ROR1: variants seen among roughly 807,000 people sequenced by gnomAD.
The protein encoded by ROR1 is inactive tyrosine-protein kinase transmembrane receptor ROR1.
Under a neutral mutation model 78.8 loss-of-function variants are expected in ROR1, and 19 were observed. The observed-to-expected ratio is 0.24, with a 90% confidence interval of 0.17 to 0.35. The LOEUF (loss-of-function observed/expected upper bound fraction) is 0.35. Ranked by LOEUF, ROR1 falls within the 10% of genes least tolerant of loss-of-function variation. The pLI, the probability that ROR1 is intolerant of heterozygous loss-of-function variation, is 1.00. For synonymous variants in ROR1, 386 were observed against 433.6 expected (o/e 0.89, Z 1.36); for missense variants, 917 against 1,177.8 (o/e 0.78, Z 3.24).
At chr1:63,935,936 G>GA (rs533463274) in intron 1 of ROR1, among the ~76,000 whole-genome samples, 2 of 152,154 alleles carry the variant, frequency 1.3e-5, no homozygotes, top group South Asian at 2.1e-4. Flanking sequence ...ATGTAAAGGA[G>GA]AAAAAAAAGT....
intron 1 of ROR1, among the ~76,000 whole-genome samples, chr1:63,857,964 G>T (rs1431014949): frequency 6.6e-6 from 1 of 152,168 alleles, no homozygotes; most frequent in Non-Finnish European, 1.5e-5. Context: ...AATTTGTCAG[G>T]TTGCTATGAG....
chr1:63,916,278 C>G (rs948807347), intron 1 of ROR1, among the ~76,000 whole-genome samples: 1 of 152,166 alleles, frequency 6.6e-6, no homozygotes, highest in African/African-American at 2.4e-5. Flanking sequence ...AAAGAGCATT[C>G]ATCGGGCCAG....
intron 1 of ROR1, among the ~76,000 whole-genome samples, chr1:63,945,938 A>G (rs183702958): frequency 7.6e-4 from 116 of 152,364 alleles, no homozygotes; most frequent in Non-Finnish European, 2.6e-4. Context: ...CCCCCAGGCC[A>G]GATCATAGAG....
chr1:64,105,655 C>T (rs1165863774), intron 4 of ROR1: 1 of 152,136 alleles, frequency 6.6e-6, no homozygotes, highest in Non-Finnish European at 1.5e-5. Context: ...AAGGGTGATC[C>T]AGTTTCAGTT....
intron 1 of ROR1, among the ~76,000 whole-genome samples, chr1:63,978,635 G>C (rs1359318566): frequency 6.6e-6 from 1 of 152,158 alleles, no homozygotes; most frequent in Non-Finnish European, 1.5e-5. Context: ...CTATGATCCA[G>C]AAATTTCACT....
chr1:64,089,347 C>T (rs535769050), intron 4 of ROR1, among the ~76,000 whole-genome samples: 1 of 151,916 alleles, frequency 6.6e-6, no homozygotes, highest in Admixed American at 6.6e-5. Context: ...GTAGCTGGGA[C>T]TACAGGCACA....
chr1:63,896,907 G>A (rs17125774), intron 1 of ROR1, among the ~76,000 whole-genome samples: 2,214 of 152,146 alleles, frequency 0.015, 58 homozygotes, highest in African/African-American at 0.051. Context: ...GTTGAGCTTG[G>A]GTAAATCCCT....
intron 1 of ROR1, among the ~76,000 whole-genome samples, chr1:63,805,664 T>C (rs1445220435): frequency 1.3e-5 from 2 of 152,152 alleles, no homozygotes; most frequent in Non-Finnish European, 2.9e-5. Flanking sequence ...AAGAATAGAA[T>C]TACTGTGGTG....
At chr1:63,842,892 G>T (rs1645057512) in intron 1 of ROR1, among the ~76,000 whole-genome samples, 1 of 151,992 alleles carries the variant, frequency 6.6e-6, no homozygotes, top group African/African-American at 2.4e-5. Flanking sequence ...ATGTGGGGGT[G>T]TTGTTAAAAA....
chr1:63,906,568 A>G (rs1476889020), intron 1 of ROR1, among the ~76,000 whole-genome samples: 1 of 152,080 alleles, frequency 6.6e-6, no homozygotes, highest in Non-Finnish European at 1.5e-5. Flanking sequence ...GCTCTTTAGT[A>G]AGTGTCCAGA....
At chr1:63,932,870 G>A (rs1171485064) in intron 1 of ROR1, among the ~76,000 whole-genome samples, 1 of 152,106 alleles carries the variant, frequency 6.6e-6, no homozygotes, top group Non-Finnish European at 1.5e-5. Context: ...TTGAAGACTG[G>A]AACTGGGTGG....
chr1:64,053,812 A>G (rs932549504), intron 4 of ROR1, among the ~76,000 whole-genome samples: 2 of 152,192 alleles, frequency 1.3e-5, no homozygotes, highest in Admixed American at 6.5e-5. Context: ...ATAGATTGTT[A>G]TATATTAGTT....
intron 1 of ROR1, among the ~76,000 whole-genome samples, chr1:63,828,816 G>T (rs66887336): frequency 0.14 from 20,656 of 152,074 alleles, 1,489 homozygotes; most frequent in Middle Eastern, 0.22. Context: ...TCCTGTCCTT[G>T]CTGCTCCTCC....
intron 4 of ROR1, among the ~76,000 whole-genome samples, chr1:64,080,841 C>T (rs1049701965): frequency 1.3e-5 from 2 of 152,186 alleles, no homozygotes; most frequent in Admixed American, 1.3e-4. Context: ...TGAAGGGCCC[C>T]TGTAGCCTTT....
At chr1:64,061,239 G>T (rs1569655925) in intron 4 of ROR1, among the ~76,000 whole-genome samples, 2 of 152,148 alleles carry the variant, frequency 1.3e-5, no homozygotes, top group East Asian at 3.9e-4. Flanking sequence ...TTTTTACCAA[G>T]TTTTTTTCTG....
At chr1:63,901,168 A>G (rs571069844) in intron 1 of ROR1, among the ~76,000 whole-genome samples, 26 of 152,264 alleles carry the variant, frequency 1.7e-4, no homozygotes, top group Non-Finnish European at 3.5e-4. Flanking sequence ...CTGGTGTTTA[A>G]AAGACTGACA....
Position 63,935,906 on chromosome 1 carries a change from T to G in ROR1, c.92-73399T>G, listed in dbSNP as rs575782382. Among the ~76,000 whole-genome samples the G allele has an allele frequency of 4.6e-5, 7 of 152,368 alleles. No individual in the cohort carries two copies. In the East Asian group the frequency reaches 1.2e-3, roughly 25 times the overall value. On this transcript the variant is annotated intron_variant, in intron 1 of 8. Transcript: ENST00000371079. The stretch of plus-strand genomic sequence containing the variant: ...CACTTGTGATAAAAGGAGTTATTTA[T>G]GAGGTAGCTGTGGTTTCAAATGTAA...
At chr1:64,032,173 T>A (rs1646666027) in intron 2 of ROR1, among the ~76,000 whole-genome samples, 1 of 151,610 alleles carries the variant, frequency 6.6e-6, no homozygotes. Flanking sequence ...AAACCCCGTC[T>A]CTACTAAACA....
intron 4 of ROR1, among the ~76,000 whole-genome samples, chr1:64,134,139 A>G (rs1202659165): frequency 2.6e-5 from 4 of 152,162 alleles, no homozygotes; most frequent in African/African-American, 9.7e-5. Flanking sequence ...GTAACTTTGG[A>G]TAAGTTCTCT....
Sources: gnomAD v4.1 joint callset for allele counts (sites outside exome capture counted in the v4.1 genomes callset) on GRCh38, gnomAD v4.1.1 for gene constraint, MANE v1.5 for transcripts, NCBI Gene and HGNC (gene_info 2026-07-23, HGNC 2026-07-21) for gene names.